SEMA4D: variants seen among roughly 807,000 people sequenced by gnomAD.
SEMA4D encodes semaphorin-4D.
Under a neutral mutation model 74.8 loss-of-function variants are expected in SEMA4D, and 22 were observed. That is an observed-to-expected ratio of 0.29 (90% CI 0.21 to 0.42). The LOEUF (loss-of-function observed/expected upper bound fraction) is 0.42, where lower values mean the gene tolerates loss of function less well. SEMA4D is among the 10% of genes least tolerant of loss of function. SEMA4D has a pLI of 1.00. For synonymous variants in SEMA4D, 445 were observed against 463.7 expected (o/e 0.96, Z 0.52); for missense variants, 937 against 1,118.4 (o/e 0.84, Z 2.31).
intron 18 of SEMA4D, chr9:89,362,464 A>G (rs1387575981): frequency 6.2e-7 from 1 of 1,613,926 alleles, no homozygotes; most frequent in Admixed American, 1.7e-5. Flanking sequence ...TCCTTGGTGG[A>G]ACGGATGGGC....
chr9:89,461,441 GT>G (rs1315363019), intron 1 of SEMA4D, among the ~76,000 whole-genome samples: 1 of 152,176 alleles, frequency 6.6e-6, no homozygotes, highest in Non-Finnish European at 1.5e-5. Flanking sequence ...CAAATTGTAT[GT>G]TTGCGTCTTT....
At chr9:89,490,143 G>T (rs1825515374) in intron 1 of SEMA4D, among the ~76,000 whole-genome samples, 1 of 151,730 alleles carries the variant, frequency 6.6e-6, no homozygotes, top group Admixed American at 6.6e-5. Context: ...ATGTTTATTG[G>T]CCGTTTGTAA....
chr9:89,454,507 A>G (rs1337411248), intron 2 of SEMA4D, among the ~76,000 whole-genome samples: 1 of 152,306 alleles, frequency 6.6e-6, no homozygotes, highest in Non-Finnish European at 1.5e-5. Flanking sequence ...CCCTCCACCA[A>G]ATCAAACAGA....
At chr9:89,407,381 T>G (rs1355704938) in intron 2 of SEMA4D, among the ~76,000 whole-genome samples, 1 of 152,170 alleles carries the variant, frequency 6.6e-6, no homozygotes, top group Non-Finnish European at 1.5e-5. Flanking sequence ...GCTGTCAACA[T>G]GAAGATAAAA....
intron 1 of SEMA4D, among the ~76,000 whole-genome samples, chr9:89,478,678 C>T (rs1862370340): frequency 6.6e-6 from 1 of 152,134 alleles, no homozygotes; most frequent in African/African-American, 2.4e-5. Context: ...AATGAATCAT[C>T]CTCACTGCAC....
intron 2 of SEMA4D, among the ~76,000 whole-genome samples, chr9:89,425,403 C>T (rs1020841446): frequency 5.3e-5 from 8 of 152,208 alleles, no homozygotes; most frequent in Non-Finnish European, 1.2e-4. Flanking sequence ...TAACTAACAC[C>T]CGCCATAAGG....
At chr9:89,410,074 T>TGGGGGGGGGGG (rs1564671547) in intron 2 of SEMA4D, among the ~76,000 whole-genome samples, 1 of 2,436 alleles carries the variant, frequency 4.1e-4, no homozygotes, top group African/African-American at 2.7e-3. Flanking sequence ...GGGTGGGCAG[T>TGGGGGGGGGGG]GGGGGTGGGC....
chr9:89,362,499 GTCTCATAGCCCA>G, intron 18 of SEMA4D: 1 of 1,613,590 alleles, frequency 6.2e-7, no homozygotes, highest in Non-Finnish European at 8.5e-7. Flanking sequence ...AGCCCAGTCT[GTCTCATAGCCCA>G]TCCCAGGCAG....
At chr9:89,380,942 G>T (rs1009301577) in intron 15 of SEMA4D, 113 bp downstream of exon 15, 3 of 1,284,712 alleles carry the variant, frequency 2.3e-6, no homozygotes, top group South Asian at 1.2e-5. Context: ...CCTCTGTTCC[G>T]AGTGGAGAAA....
At chr9:89,390,036 C>T (rs1265175952) in intron 9 of SEMA4D, among the ~76,000 whole-genome samples, 1 of 152,108 alleles carries the variant, frequency 6.6e-6, no homozygotes, top group African/African-American at 2.4e-5. Flanking sequence ...CAGCAGTGTG[C>T]CTAAGACTTG....
chr9:89,397,294 C>T (rs181038189), intron 5 of SEMA4D, among the ~76,000 whole-genome samples: 2 of 152,338 alleles, frequency 1.3e-5, no homozygotes, highest in East Asian at 3.9e-4. Context: ...TTGCTAAGTA[C>T]GTGGACCACT....
rs746094801 is a variant in SEMA4D at position 89,388,686 on chromosome 9, T to A, written c.1057A>T (p.Thr353Ser). Residue 353 changes from threonine (T) to serine (S), a missense_variant, in exon 11 of 16, where the codon ACC becomes TCC. By Grantham distance (58) the Thr-to-Ser change is moderately conservative. Coordinates refer to ENST00000422704, the MANE Select transcript of SEMA4D (RefSeq NM_001371194.2). ...MQSTTVEQSH[T>S]KWVRYNGPVP... ...GGGCCATTATAGCGCACCCACTTGG[T>A]GTGGGACTGCTCCACTGTGGTGCTC... 2.5e-6 allele frequency: 4 copies of A among 1,608,430 alleles called. No individual in the cohort carries two copies. In the Admixed American group the frequency reaches 6.8e-5, roughly 27 times the overall value.
chr9:89,413,830 A>G (rs1040463493), intron 2 of SEMA4D, among the ~76,000 whole-genome samples: 1 of 152,226 alleles, frequency 6.6e-6, no homozygotes, highest in Non-Finnish European at 1.5e-5. Flanking sequence ...CTATATGTGC[A>G]CATACGTGCA....
At chr9:89,459,028 G>C (rs1056677026) in intron 1 of SEMA4D, among the ~76,000 whole-genome samples, 1 of 152,114 alleles carries the variant, frequency 6.6e-6, no homozygotes, top group Non-Finnish European at 1.5e-5. Flanking sequence ...CTCCCCAAGG[G>C]AGCTGCAGCC....
intron 12 of SEMA4D, chr9:89,387,092 C>T (rs557202987): frequency 5.8e-6 from 2 of 346,108 alleles, no homozygotes; most frequent in Non-Finnish European, 5.3e-6. Flanking sequence ...TGCGTGGGCA[C>T]TGCCCCAACT....
chr9:89,478,352 G>C (rs1862285631), intron 1 of SEMA4D, among the ~76,000 whole-genome samples: 1 of 152,126 alleles, frequency 6.6e-6, no homozygotes, highest in South Asian at 2.1e-4. Context: ...GCAGAGACTG[G>C]AGCAATGTGT....
At chr9:89,418,935 T>G (rs751451828) in intron 2 of SEMA4D, 1 of 151,636 alleles carries the variant, frequency 6.6e-6, no homozygotes, top group East Asian at 1.9e-4. Context: ...GGCTCTTTTT[T>G]TGAAGCCAGC....
intron 1 of SEMA4D, among the ~76,000 whole-genome samples, chr9:89,494,028 C>A (rs1285200212): frequency 6.6e-6 from 1 of 152,106 alleles, no homozygotes; most frequent in Non-Finnish European, 1.5e-5. Context: ...CCTTCATAGC[C>A]CACAAAGCAC....
At chr9:89,389,266 A>C (rs149833701) in intron 9 of SEMA4D, among the ~76,000 whole-genome samples, 4 of 152,254 alleles carry the variant, frequency 2.6e-5, no homozygotes, top group Admixed American at 6.5e-5. Flanking sequence ...GGGTTAACAC[A>C]CAAAACAAAA....
Sources: gnomAD v4.1 joint callset for allele counts (sites outside exome capture counted in the v4.1 genomes callset) on GRCh38, gnomAD v4.1.1 for gene constraint, MANE v1.5 for transcripts, NCBI Gene and HGNC (gene_info 2026-07-23, HGNC 2026-07-21) for gene names.